The following PARD3 variants were observed in gnomAD, a reference collection of about 807,000 sequenced individuals.
The protein encoded by PARD3 is partitioning defective 3 homolog.
Under a neutral mutation model 155.4 loss-of-function variants are expected in PARD3, and 75 were observed. The ratio of observed to expected loss-of-function variants is 0.48; its 90% CI spans 0.40 to 0.58. The LOEUF (loss-of-function observed/expected upper bound fraction) is 0.58, where lower values mean the gene tolerates loss of function less well. PARD3 is among the 20% of genes least tolerant of loss of function. The probability of loss-of-function intolerance (pLI) is 0.00; values close to 1 mark genes in which losing one functional copy is unlikely to be tolerated. For missense variants in PARD3, 1,642 were observed against 1,721.7 expected, an observed-to-expected ratio of 0.95 and a Z score of 0.82; for synonymous variants, 576 against 610.5, an observed-to-expected ratio of 0.94 and a Z score of 0.83.
At chr10:34,526,475 C>T (rs1348553169) in intron 2 of PARD3, among the ~76,000 whole-genome samples, 1 of 152,194 alleles carries the variant, frequency 6.6e-6, no homozygotes, top group Admixed American at 6.5e-5. Context: ...TGCTCTCCTG[C>T]TCCTCTGAAT....
At chr10:34,254,702 T>TC (rs1374133089) in intron 22 of PARD3, among the ~76,000 whole-genome samples, 1 of 152,088 alleles carries the variant, frequency 6.6e-6, no homozygotes, top group African/African-American at 2.4e-5. Context: ...TTCTTATCAC[T>TC]CTGTACACAA....
chr10:34,161,251 A>AAAAG (rs1462491100), intron 22 of PARD3, among the ~76,000 whole-genome samples: 1 of 151,038 alleles, frequency 6.6e-6, no homozygotes, highest in African/African-American at 2.5e-5. Context: ...TCTTGAAAAA[A>AAAAG]AAAAAAAAAG....
chr10:34,354,142 A>G (rs934049333), intron 14 of PARD3, among the ~76,000 whole-genome samples: 5 of 150,610 alleles, frequency 3.3e-5, no homozygotes, highest in Non-Finnish European at 7.4e-5. Flanking sequence ...AAAAAAAAAA[A>G]CAAAAAAAAA....
chr10:34,400,407 T>C (rs1410173441), intron 6 of PARD3, among the ~76,000 whole-genome samples: 1 of 152,230 alleles, frequency 6.6e-6, no homozygotes, highest in Non-Finnish European at 1.5e-5. Context: ...TAATGAAAAT[T>C]TGTATAGACA....
At chr10:34,654,754 C>T (rs773724061) in intron 2 of PARD3, among the ~76,000 whole-genome samples, 68 of 152,194 alleles carry the variant, frequency 4.5e-4, no homozygotes, top group Non-Finnish European at 1.5e-4. Flanking sequence ...CCCGCAGACA[C>T]TCTGCCGTGA....
intron 1 of PARD3, among the ~76,000 whole-genome samples, chr10:34,791,775 G>C (rs1225918628): frequency 6.6e-6 from 1 of 151,798 alleles, no homozygotes; most frequent in Non-Finnish European, 1.5e-5. Flanking sequence ...AGGAGGTCGA[G>C]GCTACAGTGA....
intron 1 of PARD3, among the ~76,000 whole-genome samples, chr10:34,727,874 T>C: frequency 9.9e-6 from 1 of 101,384 alleles, no homozygotes; most frequent in African/African-American, 3.9e-5. Flanking sequence ...ACCCCCTCCC[T>C]CCGCCACACA....
intron 2 of PARD3, among the ~76,000 whole-genome samples, chr10:34,570,204 C>A (rs529632628): frequency 6.6e-6 from 1 of 152,080 alleles, no homozygotes; most frequent in African/African-American, 2.4e-5. Flanking sequence ...TTTTTCAATG[C>A]GATACAGCAA....
intron 22 of PARD3, among the ~76,000 whole-genome samples, chr10:34,169,936 A>G (rs1296214919): frequency 1.3e-5 from 2 of 152,208 alleles, no homozygotes; most frequent in African/African-American, 4.8e-5. Flanking sequence ...AGGAGCCCAG[A>G]TTGTAACCAG....
At chr10:34,595,291 A>AC (rs982241352) in intron 2 of PARD3, among the ~76,000 whole-genome samples, 1 of 152,224 alleles carries the variant, frequency 6.6e-6, no homozygotes, top group African/African-American at 2.4e-5. Context: ...AGATTCATGA[A>AC]CTGAAACTAC....
intron 1 of PARD3, among the ~76,000 whole-genome samples, chr10:34,805,572 G>A (rs545664604): frequency 1.8e-3 from 183 of 103,882 alleles, no homozygotes; most frequent in African/African-American, 4.7e-3. Context: ...TATATACACC[G>A]TACAGTTCGT....
At chr10:34,352,083 C>T (rs1838148293) in intron 14 of PARD3, among the ~76,000 whole-genome samples, 1 of 152,124 alleles carries the variant, frequency 6.6e-6, no homozygotes, top group Non-Finnish European at 1.5e-5. Flanking sequence ...TCTACTGGCA[C>T]TAAGAAAAAG....
chr10:34,707,862 C>T (rs1468314122), intron 1 of PARD3, among the ~76,000 whole-genome samples: 1 of 152,208 alleles, frequency 6.6e-6, no homozygotes. Flanking sequence ...CAAACATCCA[C>T]CTCTCACTGC....
intron 15 of PARD3, chr10:34,343,757 T>A: frequency 1.0e-6 from 1 of 985,008 alleles, no homozygotes. Context: ...TTGAGAAGGC[T>A]TCAATTTATT....
At chr10:34,561,327 A>G (rs1464191016) in intron 2 of PARD3, among the ~76,000 whole-genome samples, 1 of 152,132 alleles carries the variant, frequency 6.6e-6, no homozygotes, top group African/African-American at 2.4e-5. Context: ...TTATCTTGTT[A>G]AAGGTTTACC....
intron 5 of PARD3, among the ~76,000 whole-genome samples, chr10:34,447,438 G>C (rs1233491008): frequency 7.9e-6 from 1 of 126,940 alleles, no homozygotes. Flanking sequence ...CTGAGATTGT[G>C]CCACTGCACT....
At chr10:34,486,871 T>G (rs1451538246) in intron 3 of PARD3, among the ~76,000 whole-genome samples, 1 of 152,042 alleles carries the variant, frequency 6.6e-6, no homozygotes, top group Non-Finnish European at 1.5e-5. Flanking sequence ...TATGTACACA[T>G]ATATAATTCA....
intron 1 of PARD3, among the ~76,000 whole-genome samples, chr10:34,711,334 A>G (rs1467193657): frequency 6.6e-6 from 1 of 152,194 alleles, no homozygotes; most frequent in Non-Finnish European, 1.5e-5. Context: ...AGCCTGGCCA[A>G]CATGGTGAAA....
chr10:34,497,341 T>C (rs1250798510), intron 3 of PARD3, among the ~76,000 whole-genome samples: 2 of 152,228 alleles, frequency 1.3e-5, no homozygotes, highest in Non-Finnish European at 2.9e-5. Context: ...TTAGGCCTTA[T>C]AAGTAATCTA....
Sources: allele counts gnomAD v4.1 joint callset (sites outside exome capture counted in the v4.1 genomes callset), GRCh38; gene constraint gnomAD v4.1.1; transcripts MANE v1.5; gene names NCBI Gene and HGNC (gene_info 2026-07-23, HGNC 2026-07-21).